The following ADAM10 variants were observed in gnomAD, a reference collection of about 807,000 sequenced individuals.
ADAM10 encodes the protein disintegrin and metalloproteinase domain-containing protein 10.
ADAM10 carries 17 observed loss-of-function variants against 90.1 expected under a neutral mutation model. The ratio of observed to expected loss-of-function variants is 0.19; its 90% CI spans 0.13 to 0.28. The LOEUF (loss-of-function observed/expected upper bound fraction) is 0.28. ADAM10 is among the 10% of genes least tolerant of loss of function. ADAM10 has a pLI of 1.00. For missense variants in ADAM10, 610 were observed against 914.3 expected (o/e 0.67, Z 4.29); for synonymous variants, 310 against 298.6 (o/e 1.04, Z -0.40).
At chr15:58,725,975 C>G (rs1225652327) in intron 1 of ADAM10, among the ~76,000 whole-genome samples, 1 of 151,906 alleles carries the variant, frequency 6.6e-6, no homozygotes, top group African/African-American at 2.4e-5. Context: ...TACACTGATG[C>G]AAATAATAAA....
At chr15:58,628,224 CTAAA>C (rs1195797522) in intron 9 of ADAM10, among the ~76,000 whole-genome samples, 5 of 152,118 alleles carry the variant, frequency 3.3e-5, no homozygotes, top group South Asian at 2.1e-4. Flanking sequence ...TTTAAAACTA[CTAAA>C]TAGTCTCTAA....
chr15:58,649,441 A>G (rs936784898), intron 5 of ADAM10, among the ~76,000 whole-genome samples: 1 of 152,064 alleles, frequency 6.6e-6, no homozygotes, highest in Non-Finnish European at 1.5e-5. Flanking sequence ...TCTTTATTCA[A>G]TACTTCATCT....
At chr15:58,616,275 T>C (rs1037448746) in intron 11 of ADAM10, among the ~76,000 whole-genome samples, 11 of 152,340 alleles carry the variant, frequency 7.2e-5, no homozygotes, top group African/African-American at 2.4e-4. Context: ...TTAGACCAAA[T>C]AGATCTAACA....
chr15:58,612,404 CA>C (rs1895465292), intron 11 of ADAM10, among the ~76,000 whole-genome samples: 2 of 152,112 alleles, frequency 1.3e-5, no homozygotes, highest in South Asian at 4.1e-4. Context: ...GCCTACAGGC[CA>C]AACAACTCTA....
intron 11 of ADAM10, among the ~76,000 whole-genome samples, chr15:58,620,544 A>G (rs1479822002): frequency 6.6e-6 from 1 of 152,176 alleles, no homozygotes; most frequent in African/African-American, 2.4e-5. Context: ...TGAAATAGTT[A>G]TAACTTGCCA....
In ADAM10 at chr15:58,594,623, T is replaced by C. The variant is rs1464515077; in HGVS notation, c.*2924A>G. The stretch of plus-strand genomic sequence containing the variant: ...GAATGCTAAATCCAGAAGCAGTCAA[T>C]AAATTTATTTTATTTCTGATTTTGT... On this transcript the variant is annotated 3_prime_UTR_variant, in exon 16 of 16. Transcript: ENST00000260408. 2 of 152,176 alleles carry C rather than the reference T, an allele frequency of 1.3e-5. No individual in the cohort carries two copies. The highest frequency in any genetic ancestry group is 2.9e-5 in the Non-Finnish European group (2 of 68,018). 9.4% of individuals were successfully genotyped at this position (152,176 alleles called of 1,614,324 possible). A position where few individuals can be genotyped will look rare whatever the true frequency, so the allele number is the denominator to read the frequency against.
intron 2 of ADAM10, chr15:58,704,116 TG>T (rs1370345532): frequency 1.3e-5 from 2 of 152,290 alleles, no homozygotes; most frequent in African/African-American, 4.8e-5. Flanking sequence ...TGGAGATTAA[TG>T]GGGTGACAAA....
chr15:58,657,155 TGCCTTGAGTTA>T (rs1896847908), intron 5 of ADAM10, among the ~76,000 whole-genome samples: 4 of 152,224 alleles, frequency 2.6e-5, no homozygotes. Context: ...GATTATTAAA[TGCCTTGAGTTA>T]GTCTTCATTG....
At chr15:58,598,995 A>T (rs1329228496) in intron 15 of ADAM10, among the ~76,000 whole-genome samples, 1 of 152,198 alleles carries the variant, frequency 6.6e-6, no homozygotes, top group Non-Finnish European at 1.5e-5. Context: ...AAATAAGCTT[A>T]TGTGCCAGAA....
At chr15:58,615,876 T>C (rs1300679480) in intron 11 of ADAM10, among the ~76,000 whole-genome samples, 1 of 151,776 alleles carries the variant, frequency 6.6e-6, no homozygotes, top group Non-Finnish European at 1.5e-5. Context: ...GGCATGGTGG[T>C]ACATGCCTGT....
At chr15:58,647,246 G>GCATTTTTTTTT (rs1896569038) in intron 5 of ADAM10, among the ~76,000 whole-genome samples, 3 of 36,828 alleles carry the variant, frequency 8.1e-5, no homozygotes, top group African/African-American at 2.2e-4. Context: ...TAGACACTAA[G>GCATTTTTTTTT]TATTTTTTTT....
At chr15:58,616,970 G>A (rs900068830) in intron 11 of ADAM10, among the ~76,000 whole-genome samples, 26 of 152,156 alleles carry the variant, frequency 1.7e-4, no homozygotes, top group Middle Eastern at 3.4e-3. Flanking sequence ...TTAGCCAGGC[G>A]TGGTGGCAGG....
chr15:58,715,330 G>A (rs1316060194), intron 2 of ADAM10, among the ~76,000 whole-genome samples: 1 of 151,150 alleles, frequency 6.6e-6, no homozygotes, highest in East Asian at 1.9e-4. Context: ...ACTGAGGCAG[G>A]AGAATCACTT....
intron 2 of ADAM10, among the ~76,000 whole-genome samples, chr15:58,704,349 TTC>T (rs1365205950): frequency 4.6e-5 from 7 of 152,032 alleles, no homozygotes; most frequent in Non-Finnish European, 8.8e-5. Context: ...AGTACATACT[TTC>T]TGTTTGTGAT....
At chr15:58,629,664 CAT>C (rs1566972946) in intron 9 of ADAM10, among the ~76,000 whole-genome samples, 1 of 152,162 alleles carries the variant, frequency 6.6e-6, no homozygotes, top group East Asian at 1.9e-4. Flanking sequence ...AAAATTCAAT[CAT>C]AATCTACCAT....
intron 5 of ADAM10, among the ~76,000 whole-genome samples, chr15:58,660,358 T>A (rs1896937224): frequency 6.6e-6 from 1 of 152,160 alleles, no homozygotes; most frequent in Admixed American, 6.5e-5. Flanking sequence ...CTCACCTAGC[T>A]CTTTAAATGT....
intron 2 of ADAM10, chr15:58,691,433 AC>A: frequency 1.5e-6 from 1 of 669,060 alleles, no homozygotes; most frequent in Non-Finnish European, 2.9e-6. Context: ...CTTTGCACTC[AC>A]CAATGATGTC....
intron 1 of ADAM10, among the ~76,000 whole-genome samples, chr15:58,740,606 T>C (rs1899580438): frequency 6.6e-6 from 1 of 152,208 alleles, no homozygotes; most frequent in South Asian, 2.1e-4. Flanking sequence ...GGTCTTGCTA[T>C]GTTAACCAGG....
intron 5 of ADAM10, among the ~76,000 whole-genome samples, chr15:58,663,583 G>A (rs1272816724): frequency 2.0e-5 from 3 of 152,068 alleles, no homozygotes; most frequent in African/African-American, 7.2e-5. Context: ...CCCATTGAGT[G>A]TTGTGAATAA....
Sources: allele counts gnomAD v4.1 joint callset (sites outside exome capture counted in the v4.1 genomes callset), GRCh38; gene constraint gnomAD v4.1.1; transcripts MANE v1.5; gene names NCBI Gene and HGNC (gene_info 2026-07-23, HGNC 2026-07-21).